UROD: variants seen among roughly 807,000 people sequenced by gnomAD.
UROD encodes uroporphyrinogen III decarboxylase.
Under a neutral mutation model 47.1 loss-of-function variants are expected in UROD, and 34 were observed. The observed-to-expected ratio is 0.72, with a 90% CI of 0.55 to 0.96. The LOEUF (loss-of-function observed/expected upper bound fraction) is 0.96. UROD is among the 40% of genes least tolerant of loss of function. The pLI, the probability that UROD is intolerant of heterozygous loss-of-function variation, is 0.00. For missense variants in UROD, 381 were observed against 471.8 expected (o/e 0.81, Z 1.78); for synonymous variants, 148 against 175.8 (o/e 0.84, Z 1.25).
At chr1:45,014,320 T>C (rs532713560) in intron 6 of UROD, 119 bp from the exon 7 acceptor site, 1 of 1,534,312 alleles carries the variant, frequency 6.5e-7, no homozygotes, top group African/African-American at 1.4e-5. Context: ...TTACTGGGTT[T>C]TTAGGGTCAG....
Position 45,013,714 on chromosome 1 carries a change from T to C in UROD, c.397T>C (p.Tyr133His), listed in dbSNP as rs1296017988. ...DPEVVASELG[Y>H]VFQAITLTRQ... ...AGAAGTGGTAGCCTCTGAGCTAGGC[T>C]ATGTGTTCCAAGCCATCACCCTTAC... is the stretch of plus-strand genomic sequence containing the variant. The change falls in exon 5 of 10, where the codon TAT (tyrosine) becomes CAT (histidine). Residue 133 changes from tyrosine (Y) to histidine (H), a missense_variant. Tyr to His is a moderately conservative substitution (Grantham distance 83, BLOSUM62 2). Transcript: ENST00000246337. The surrounding 1 kb of genome is among the most constrained non-coding windows in gnomAD (Gnocchi z 4.2). 1.2e-6 allele frequency: 2 copies of C among 1,614,072 alleles called. No homozygotes were observed. The highest frequency in any genetic ancestry group is 2.2e-5 in the South Asian group (2 of 91,074).
chr1:45,015,504 T>C lies in UROD; in HGVS notation c.*6T>C, dbSNP rs1244775781. On this transcript the variant is annotated 3_prime_UTR_variant, in exon 10 of 10. Transcript: ENST00000246337. ...GTCTGCTTCGACAGAACTGAGTGTA[T>C]ACCTTTACCCTCAAGTACCACTAAC... 6.2e-7 allele frequency: 1 copy of C among 1,614,102 alleles called. No homozygotes were observed. The highest frequency in any genetic ancestry group is 1.3e-5 in the African/African-American group (1 of 74,932).
In UROD at chr1:45,013,687, C is replaced by T; in HGVS notation, c.370C>T (p.Pro124Ser). The change falls in exon 5 of 10, where the codon CCA (proline) becomes TCA (serine). Residue 124 changes from proline (P) to serine (S), a missense_variant. Physicochemically the swap from Pro to Ser is moderately conservative, Grantham distance 74 (BLOSUM62 -1). Coordinates refer to ENST00000246337, the MANE Select transcript of UROD (RefSeq NM_000374.5). This position sits in a 1 kb window ranked among gnomAD's most constrained non-coding sequence, Gnocchi z 4.2. ...EEQDLERLRD[P>S]EVVASELGYV... ...GCAGGACCTAGAACGCCTACGGGATCCAGAAGTGGTAGCCTCTGAGCTAGG... is the reference window on the plus strand; with the variant it reads ...GCAGGACCTAGAACGCCTACGGGATTCAGAAGTGGTAGCCTCTGAGCTAGG... The T allele has an allele frequency of 1.9e-6, 3 of 1,614,160 alleles. No homozygotes were observed. The highest frequency in any genetic ancestry group is 2.5e-6 in the Non-Finnish European group (3 of 1,180,040).
intron 9 of UROD, 93 bp downstream of exon 9, chr1:45,015,099 T>C (rs1644838973): frequency 1.9e-6 from 3 of 1,583,476 alleles, no homozygotes; most frequent in South Asian, 2.2e-5. Flanking sequence ...AATGTCTGTC[T>C]GTCCTTTTCT....
At chr1:45,014,148 G>A in intron 6 of UROD, 78 bp downstream of exon 6, 2 of 1,603,840 alleles carry the variant, frequency 1.2e-6, no homozygotes, top group Admixed American at 1.7e-5. Context: ...AAACCTGAGA[G>A]GGCAGGGGTC....
At chr1:45,015,230 A>G (rs898833732) in intron 9 of UROD, 107 bp from the exon 10 acceptor site, 1 of 1,511,548 alleles carries the variant, frequency 6.6e-7, no homozygotes, top group Non-Finnish European at 9.0e-7. Flanking sequence ...GAATGACTGA[A>G]TAACACTGAG....
chr1:45,012,830 G>A (rs1297112229), intron 1 of UROD, 77 bp from the exon 2 acceptor site: 10 of 1,587,630 alleles, frequency 6.3e-6, no homozygotes, highest in South Asian at 2.3e-5. Context: ...GGACTGAATC[G>A]GCCTTATGAA....
chr1:45,014,551 A>G lies in UROD; in HGVS notation c.749A>G (p.Glu250Gly), dbSNP rs1257087108. 6.2e-7 allele frequency: 1 copy of G among 1,614,206 alleles called. No homozygotes were observed. Among genetic ancestry groups the G allele is most frequent in the South Asian group, 1.1e-5 (1 of 91,088 alleles). ...AAGCAAGTGAAGGCCAGGTTGCGGG[A>G]GGCAGGCCTGGCACCAGTGCCCATG... ...VAKQVKARLREAGLAPVPMII... is the reference protein window; with the variant it reads ...VAKQVKARLRGAGLAPVPMII... Residue 250 changes from glutamate to glycine, a missense_variant, in exon 7 of 10, where the codon GAG becomes GGG. Coordinates refer to ENST00000246337, the MANE Select transcript of UROD (RefSeq NM_000374.5).
At position 45,015,426 on chromosome 1, in the gene UROD, C is replaced by T; in HGVS notation, c.1032C>T (p.Asp344=). 1.2e-6 allele frequency: 2 copies of T among 1,614,198 alleles called. No homozygotes were observed. The highest frequency in any genetic ancestry group is 1.7e-6 in the Non-Finnish European group (2 of 1,180,038). The change falls in exon 10 of 10, where the codon GAC becomes GAT. Residue 344 remains aspartate (D), a synonymous_variant. Coordinates refer to ENST00000246337, the MANE Select transcript of UROD (RefSeq NM_000374.5). ...IANLGHGLYP[D]MDPEHVGAFV... Reference sequence around the variant, plus strand: ...ACCTGGGCCATGGGCTTTATCCTGACATGGACCCAGAACATGTGGGCGCCT... The same window carrying T: ...ACCTGGGCCATGGGCTTTATCCTGATATGGACCCAGAACATGTGGGCGCCT...
At chr1:45,012,884 C>T in intron 1 of UROD, 23 bp from the exon 2 acceptor site, 1 of 1,613,168 alleles carries the variant, frequency 6.2e-7, no homozygotes. Flanking sequence ...TGACACCTAC[C>T]CCCACCCCCA....
intron 9 of UROD, 31 bp downstream of exon 9, chr1:45,015,037 T>C (rs1369657774): frequency 6.2e-7 from 1 of 1,612,624 alleles, no homozygotes; most frequent in Non-Finnish European, 8.5e-7. Context: ...GTGTGTCTGT[T>C]ACTGTGCACT....
At position 45,013,717 on chromosome 1, in the gene UROD, G is replaced by C. The variant is rs202224318; in HGVS notation, c.400G>C (p.Val134Leu). The C allele has an allele frequency of 9.0e-5, 145 of 1,614,064 alleles. No individual in the cohort carries two copies. Among genetic ancestry groups the C allele is most frequent in the Non-Finnish European group, 9.8e-5 (116 of 1,180,054 alleles). ...PEVVASELGY[V>L]FQAITLTRQR... ...AGTGGTAGCCTCTGAGCTAGGCTAT[G>C]TGTTCCAAGCCATCACCCTTACCCG... Residue 134 changes from valine (V) to leucine (L), a missense_variant, in exon 5 of 10, where the codon GTG (valine) becomes CTG (leucine). Coordinates refer to ENST00000246337, the MANE Select transcript of UROD (RefSeq NM_000374.5). This position sits in a 1 kb window ranked among gnomAD's most constrained non-coding sequence, Gnocchi z 4.2.
At position 45,013,519 on chromosome 1, in the gene UROD, C is replaced by T. The variant is rs1644822853; in HGVS notation, c.277-75C>T. The T allele has an allele frequency of 1.2e-6, 2 of 1,609,368 alleles. No homozygotes were observed. Among genetic ancestry groups the T allele is most frequent in the Non-Finnish European group, 1.7e-6 (2 of 1,176,792 alleles). On this transcript the variant is annotated intron_variant, in intron 4 of 9. Transcript: ENST00000246337. The surrounding 1 kb of genome is among the most constrained non-coding windows in gnomAD (Gnocchi z 4.2). ...CAGAGTTTTATTCTCCTTTTCCTTCCTCCTGGAATGAGCTGAACAGAACCT... is the reference window on the plus strand; with the variant it reads ...CAGAGTTTTATTCTCCTTTTCCTTCTTCCTGGAATGAGCTGAACAGAACCT...
chr1:45,012,468 C>T (rs538617421), intron 1 of UROD, among the ~76,000 whole-genome samples, 183 bp downstream of exon 1: 1 of 152,298 alleles, frequency 6.6e-6, no homozygotes, highest in African/African-American at 2.4e-5. Context: ...GGCCTTAATT[C>T]AAGGGATGCC....
At position 45,015,568 on chromosome 1, in the gene UROD, G is replaced by C. The variant is rs41269105; in HGVS notation, c.*70G>C. On this transcript the variant is annotated 3_prime_UTR_variant, in exon 10 of 10. Coordinates refer to ENST00000246337, the MANE Select transcript of UROD (RefSeq NM_000374.5). ...CGTTTCCAGGACAATAAAAGTTTCG[G>C]AGTTGAACTATTGTGTAGTTTTGTT... 12 of 1,610,760 alleles carry C rather than the reference G, an allele frequency of 7.4e-6. No individual in the cohort carries two copies. The African/African-American group carries it at 1.6e-4, about 22-fold the overall frequency.
intron 1 of UROD, 146 bp downstream of exon 1, chr1:45,012,431 C>T (rs2148981682): frequency 8.2e-7 from 1 of 1,217,086 alleles, no homozygotes; most frequent in Non-Finnish European, 1.2e-6. Flanking sequence ...ATCCTAAAAC[C>T]ATGGATTTTT....
rs762357276 is a variant in UROD at position 45,015,479 on chromosome 1, G to A, written c.1085G>A (p.Arg362His). 16 of 1,614,082 alleles carry A rather than the reference G, an allele frequency of 9.9e-6. No individual in the cohort carries two copies. The highest frequency in any genetic ancestry group is 2.2e-5 in the South Asian group (2 of 91,096). The change falls in exon 10 of 10, where the codon CGT becomes CAT. Residue 362 changes from arginine (R) to histidine (H), a missense_variant. Physicochemically the swap from Arg to His is conservative, Grantham distance 29. Transcript: ENST00000246337. ...AFVDAVHKHS[R>H]LLRQN ...GTGGATGCTGTGCATAAACACTCACGTCTGCTTCGACAGAACTGAGTGTAT... is the reference window on the plus strand; with the variant it reads ...GTGGATGCTGTGCATAAACACTCACATCTGCTTCGACAGAACTGAGTGTAT...
At chr1:45,014,230 C>CA in intron 6 of UROD, 160 bp downstream of exon 6, 1 of 1,284,750 alleles carries the variant, frequency 7.8e-7, no homozygotes, top group Non-Finnish European at 1.1e-6. Flanking sequence ...CTGACACTGA[C>CA]AGTGGGGCTT....
Position 45,013,951 on chromosome 1 carries a change from A to G in UROD, c.517A>G (p.Thr173Ala). 1 of 1,614,214 alleles carries G rather than the reference A, an allele frequency of 6.2e-7. No homozygotes were observed. The highest frequency in any genetic ancestry group is 8.5e-7 in the Non-Finnish European group (1 of 1,180,052). The change falls in exon 6 of 10, where the codon ACC becomes GCC. Residue 173 changes from threonine to alanine, a missense_variant. Transcript: ENST00000246337. This position sits in a 1 kb window ranked among gnomAD's most constrained non-coding sequence, Gnocchi z 4.2. ...TYMVEGGGSS[T>A]MAQAKRWLYQ... ...CATGGTTGAGGGTGGTGGCTCAAGC[A>G]CCATGGCTCAGGCCAAGCGCTGGCT...
Sources: allele counts gnomAD v4.1 joint callset (sites outside exome capture counted in the v4.1 genomes callset), GRCh38; gene constraint gnomAD v4.1.1; non-coding constraint Gnocchi (gnomAD v3.1); transcripts MANE v1.5; gene names NCBI Gene and HGNC (gene_info 2026-07-23, HGNC 2026-07-21).